GABPB2: variants seen among roughly 807,000 people sequenced by gnomAD.
The protein encoded by GABPB2 is GA binding protein transcription factor subunit beta 2, also known as GA-binding protein subunit beta-2.
A neutral mutation model predicts 39.1 loss-of-function variants in GABPB2; 23 were observed. That is an observed-to-expected ratio of 0.59 (90% CI 0.42 to 0.83). GABPB2 has a LOEUF of 0.83. GABPB2 is among the 40% of genes least tolerant of loss of function. The pLI is 0.00. For synonymous variants in GABPB2, 184 were observed against 199.3 expected (o/e 0.92, Z 0.65); for missense variants, 467 against 541.1 (o/e 0.86, Z 1.36).
intron 3 of GABPB2, among the ~76,000 whole-genome samples, chr1:151,091,476 A>C (rs1356430742): frequency 6.8e-6 from 1 of 147,508 alleles, no homozygotes; most frequent in African/African-American, 2.5e-5. Flanking sequence ...AAAAAAAAAA[A>C]AAAAAAAAAA....
intron 7 of GABPB2, among the ~76,000 whole-genome samples, chr1:151,114,987 C>G (rs1680748794): frequency 1.3e-5 from 2 of 152,178 alleles, no homozygotes; most frequent in African/African-American, 4.8e-5. Context: ...TCCAATCCGG[C>G]CTGGGTGGAG....
intron 7 of GABPB2, among the ~76,000 whole-genome samples, chr1:151,111,708 G>A (rs587713464): frequency 3.3e-5 from 5 of 149,440 alleles, no homozygotes; most frequent in South Asian, 4.3e-4. Context: ...CACCGCGCCC[G>A]GCCTAATTTT....
intron 1 of GABPB2, among the ~76,000 whole-genome samples, chr1:151,081,760 G>GA (rs1195149224): frequency 2.0e-5 from 3 of 151,394 alleles, no homozygotes; most frequent in African/African-American, 7.3e-5. Context: ...TCAGCCTCCC[G>GA]AGTAGCTGAG....
At chr1:151,104,814 C>CCTTT (rs962586735) in intron 6 of GABPB2, among the ~76,000 whole-genome samples, 243 of 36,318 alleles carry the variant, frequency 6.7e-3, no homozygotes, top group Admixed American at 0.055. Flanking sequence ...TTCTTTCTTT[C>CCTTT]CTTTCTTTCT....
intron 1 of GABPB2, among the ~76,000 whole-genome samples, chr1:151,079,045 G>A (rs1294423525): frequency 2.0e-5 from 3 of 152,046 alleles, no homozygotes; most frequent in African/African-American, 7.2e-5. Flanking sequence ...GGAGAAAATA[G>A]CCTTGAAGAA....
At chr1:151,071,403 C>T (rs1460471549) in intron 1 of GABPB2, among the ~76,000 whole-genome samples, 1 of 149,574 alleles carries the variant, frequency 6.7e-6, no homozygotes, top group Non-Finnish European at 1.5e-5. Flanking sequence ...TACTAGTGAA[C>T]TCGGTAATCT....
chr1:151,075,319 C>T (rs1273995667), intron 1 of GABPB2, among the ~76,000 whole-genome samples: 2 of 151,648 alleles, frequency 1.3e-5, no homozygotes, highest in Non-Finnish European at 1.5e-5. Flanking sequence ...AATCCCAGCA[C>T]TTTGGGAGGC....
intron 3 of GABPB2, among the ~76,000 whole-genome samples, chr1:151,092,856 C>A (rs1026025171): frequency 1.3e-5 from 2 of 152,068 alleles, no homozygotes; most frequent in African/African-American, 4.8e-5. Context: ...ACTGATTTTT[C>A]TTCTTTCCGT....
intron 1 of GABPB2, among the ~76,000 whole-genome samples, chr1:151,083,420 T>G (rs1197234288): frequency 6.6e-6 from 1 of 152,116 alleles, no homozygotes; most frequent in Non-Finnish European, 1.5e-5. Flanking sequence ...TCACCTGAGG[T>G]CAGGAGTTTG....
intron 1 of GABPB2, among the ~76,000 whole-genome samples, chr1:151,081,421 G>A (rs1325407435): frequency 2.6e-5 from 4 of 151,860 alleles, no homozygotes; most frequent in South Asian, 2.1e-4. Context: ...CACTGGAGGC[G>A]GAGGTTGCAG....
In GABPB2 at chr1:151,079,072, T is replaced by C. The variant is rs114769239; in HGVS notation, c.-1+8138T>C. ...CTTGAAGAACGCATTTCTATATCTTTCTTATATTAGGAGGTAAATATAGCA... is the reference window on the plus strand; with the variant it reads ...CTTGAAGAACGCATTTCTATATCTTCCTTATATTAGGAGGTAAATATAGCA... On this transcript the variant is annotated intron_variant, in intron 1 of 8. Coordinates refer to ENST00000368918, the MANE Select transcript of GABPB2 (RefSeq NM_144618.3). 3.2e-3 allele frequency among the ~76,000 whole-genome samples: 494 copies of C among 152,262 alleles called. 2 individuals are homozygous for C. Among genetic ancestry groups the C allele is most frequent in the South Asian group, 8.3e-3 (40 of 4,830 alleles).
At chr1:151,113,583 C>A (rs1424941721) in intron 7 of GABPB2, among the ~76,000 whole-genome samples, 1 of 150,916 alleles carries the variant, frequency 6.6e-6, no homozygotes, top group East Asian at 2.0e-4. Context: ...TAATTTTTAA[C>A]TTTTTATTTT....
At chr1:151,082,076 CTTT>C (rs1215494134) in intron 1 of GABPB2, among the ~76,000 whole-genome samples, 6 of 131,572 alleles carry the variant, frequency 4.6e-5, no homozygotes, top group Admixed American at 1.5e-4. Flanking sequence ...ATTTCTTTTT[CTTT>C]TTTTTTTTTT....
chr1:151,092,329 T>TA, intron 3 of GABPB2, among the ~76,000 whole-genome samples: 1 of 151,638 alleles, frequency 6.6e-6, no homozygotes, highest in Non-Finnish European at 1.5e-5. Context: ...ATGGTCTACA[T>TA]CCCTTGACCT....
Position 151,097,935 on chromosome 1 carries a change from C to T in GABPB2, c.555C>T (p.Ile185=). 1 of 1,614,068 alleles carries T rather than the reference C, an allele frequency of 6.2e-7. No individual in the cohort carries two copies. Among genetic ancestry groups the T allele is most frequent in the Middle Eastern group, 1.6e-4 (1 of 6,062 alleles). The part of the protein sequence containing the change: ...TDPVSMAAPF[I]FTSGEVVNLA... Reference sequence around the variant, plus strand: ...CTGTGAGTATGGCTGCTCCATTCATCTTCACGTCGGGTGAGGTTGTTAACC... The same window carrying T: ...CTGTGAGTATGGCTGCTCCATTCATTTTCACGTCGGGTGAGGTTGTTAACC... Residue 185 remains isoleucine (I), a synonymous_variant, in exon 5 of 9, where the codon ATC becomes ATT. Transcript: ENST00000368918.
intron 6 of GABPB2, 112 bp from the exon 7 acceptor site, chr1:151,106,925 T>A: frequency 1.5e-6 from 1 of 653,442 alleles, no homozygotes; most frequent in Non-Finnish European, 2.4e-6. Context: ...TCTCACTTTT[T>A]TTTTTCAAAT....
chr1:151,097,155 A>C (rs948895437), intron 4 of GABPB2, among the ~76,000 whole-genome samples: 2 of 151,454 alleles, frequency 1.3e-5, no homozygotes, highest in Non-Finnish European at 1.5e-5. Flanking sequence ...CAAGTGGTCC[A>C]CCCGCCTCAG....
At chr1:151,106,254 G>A (rs1679958831) in intron 6 of GABPB2, among the ~76,000 whole-genome samples, 2 of 151,632 alleles carry the variant, frequency 1.3e-5, no homozygotes, top group African/African-American at 4.8e-5. Context: ...GAGCCACCGT[G>A]CCCAGCCATT....
Position 151,109,782 on chromosome 1 carries a change from A to T in GABPB2, c.922+2560A>T, listed in dbSNP as rs928610743. On this transcript the variant is annotated intron_variant, in intron 7 of 8. Transcript: ENST00000368918. The stretch of plus-strand genomic sequence containing the variant: ...CCTCGACTTCCCAAGCAACCTTCTC[A>T]CCTCAGCCTCCCAAGTAGCTGGGAC... Among the ~76,000 whole-genome samples the T allele has an allele frequency of 2.0e-5, 3 of 150,400 alleles. No homozygotes were observed. In the Admixed American group the frequency reaches 2.0e-4, roughly 10 times the overall value.
Sources: allele counts gnomAD v4.1 joint callset (sites outside exome capture counted in the v4.1 genomes callset), GRCh38; gene constraint gnomAD v4.1.1; transcripts MANE v1.5; gene names NCBI Gene and HGNC (gene_info 2026-07-23, HGNC 2026-07-21).